Variants in PIWIL2 observed in about 807,000 individuals in gnomAD.
The protein encoded by PIWIL2 is piwi-like protein 2.
A neutral mutation model predicts 116.5 loss-of-function variants in PIWIL2; 81 were observed. That is an observed-to-expected ratio of 0.70 (90% confidence interval 0.58 to 0.84). The LOEUF is 0.84. Among genes scored for constraint, PIWIL2 ranks in the 40% least tolerant of loss-of-function variants. The probability of loss-of-function intolerance (pLI) is 0.00; values close to 1 mark genes in which losing one functional copy is unlikely to be tolerated. For synonymous variants in PIWIL2, 489 were observed against 429.5 expected, an observed-to-expected ratio of 1.14 and a Z score of -1.71; for missense variants, 1,272 against 1,212.3, an observed-to-expected ratio of 1.05 and a Z score of -0.73.
At chr8:22,354,649 G>A (rs2132117642) in intron 22 of PIWIL2, among the ~76,000 whole-genome samples, 1 of 152,250 alleles carries the variant, frequency 6.6e-6, no homozygotes, top group Non-Finnish European at 1.5e-5. Flanking sequence ...AGGCGATTAT[G>A]ACATACAGCC....
chr8:22,312,821 T>C (rs1407123980), intron 16 of PIWIL2, among the ~76,000 whole-genome samples: 3 of 152,124 alleles, frequency 2.0e-5, no homozygotes, highest in Non-Finnish European at 4.4e-5. Context: ...TTAAATTTTT[T>C]GTAGAGATGG....
At chr8:22,310,611 TTGA>T (rs1376959814) in intron 15 of PIWIL2, among the ~76,000 whole-genome samples, 5 of 150,638 alleles carry the variant, frequency 3.3e-5, no homozygotes, top group African/African-American at 1.2e-4. Flanking sequence ...AACGTGTAAC[TTGA>T]TGAGTTTTTT....
chr8:22,350,839 A>C (rs1353023725), intron 20 of PIWIL2, among the ~76,000 whole-genome samples: 1 of 151,996 alleles, frequency 6.6e-6, no homozygotes, highest in Non-Finnish European at 1.5e-5. Flanking sequence ...GTCTCTAAAA[A>C]ATGTTTTTAA....
intron 20 of PIWIL2, among the ~76,000 whole-genome samples, chr8:22,341,111 A>T (rs1398554047): frequency 2.0e-5 from 3 of 152,156 alleles, no homozygotes; most frequent in Admixed American, 6.5e-5. Context: ...CACCCAGTTC[A>T]TGGTACTTTG....
At chr8:22,303,953 T>TCC (rs1831113179) in intron 10 of PIWIL2, 68 bp from the exon 11 acceptor site, 1 of 951,188 alleles carries the variant, frequency 1.1e-6, no homozygotes, top group Non-Finnish European at 1.6e-6. Flanking sequence ...AATTACTTGA[T>TCC]CCCCTATCCC....
At chr8:22,329,670 C>T (rs1267186719) in intron 20 of PIWIL2, among the ~76,000 whole-genome samples, 3 of 152,208 alleles carry the variant, frequency 2.0e-5, no homozygotes, top group Non-Finnish European at 4.4e-5. Flanking sequence ...TGAGATTTGG[C>T]AGGGACACAC....
intron 20 of PIWIL2, among the ~76,000 whole-genome samples, chr8:22,331,364 T>A (rs1015249102): frequency 5.3e-5 from 8 of 151,958 alleles, no homozygotes; most frequent in Non-Finnish European, 1.2e-4. Flanking sequence ...AATTTCTATT[T>A]TTTTTTGTTT....
intron 20 of PIWIL2, among the ~76,000 whole-genome samples, chr8:22,333,877 T>G (rs374645278): frequency 6.6e-6 from 1 of 151,912 alleles, no homozygotes; most frequent in East Asian, 1.9e-4. Flanking sequence ...GAATTATAGC[T>G]CAGATTCACA....
chr8:22,297,676 A>G (rs563723571), intron 10 of PIWIL2, among the ~76,000 whole-genome samples: 2 of 152,258 alleles, frequency 1.3e-5, no homozygotes, highest in African/African-American at 4.8e-5. Flanking sequence ...CTCAGAATAC[A>G]ACAAGGAAAA....
rs150686827 is a variant in PIWIL2 at position 22,289,708 on chromosome 8, T to G, written c.987-139T>G. The G allele has an allele frequency of 8.4e-3, 4,986 of 594,556 alleles. 31 individuals carry two copies. Among genetic ancestry groups the G allele is most frequent in the Non-Finnish European group, 0.012 (4,025 of 333,894 alleles). 36.8% of individuals were successfully genotyped at this position (594,556 alleles called of 1,614,324 possible). A position where few individuals can be genotyped will look rare whatever the true frequency, so the allele number is the denominator to read the frequency against. On this transcript the variant is annotated intron_variant, in intron 8 of 22. Transcript: ENST00000356766. Reference sequence around the variant, plus strand: ...TGGTTTTCTTTTAACAAGATTGTTCTCAATATAAAAGCTGTCTTCTGCAAA... The same window carrying G: ...TGGTTTTCTTTTAACAAGATTGTTCGCAATATAAAAGCTGTCTTCTGCAAA...
Position 22,289,839 on chromosome 8 carries a change from TA to T in PIWIL2, c.987-7del. ...TATTAGAAAACTCATACTTGCTTTT[TA>T]TTTCAGGGTAATGAAACTTTTAGAT... On this transcript the variant is annotated splice_region_variant and splice_polypyrimidine_tract_variant and intron_variant, in intron 8 of 22. Transcript: ENST00000356766. 4 of 1,567,654 alleles carry T rather than the reference TA, an allele frequency of 2.6e-6. No individual in the cohort carries two copies. The highest frequency in any genetic ancestry group is 3.5e-6 in the Non-Finnish European group (4 of 1,138,422).
At position 22,294,433 on chromosome 8, in the gene PIWIL2, C is replaced by A. The variant is rs577307114; in HGVS notation, c.1181+4087C>A. 2.7e-5 allele frequency among the ~76,000 whole-genome samples: 4 copies of A among 147,100 alleles called. No individual in the cohort carries two copies. In the East Asian group the frequency reaches 6.3e-4, roughly 23 times the overall value. On this transcript the variant is annotated intron_variant, in intron 10 of 22. Transcript: ENST00000356766. Reference sequence around the variant, plus strand: ...GAGGCGGGCAGATCATGAAGTCAGGCGATCGAGACCATCCTGGCCAACACG... The same window carrying A: ...GAGGCGGGCAGATCATGAAGTCAGGAGATCGAGACCATCCTGGCCAACACG...
At chr8:22,355,311 G>T (rs747711368) in intron 22 of PIWIL2, 38 bp from the exon 23 acceptor site, 9 of 1,607,902 alleles carry the variant, frequency 5.6e-6, no homozygotes, top group Non-Finnish European at 7.7e-6. Flanking sequence ...ATTGAAGGTG[G>T]GGGATGATGA....
chr8:22,285,975 T>C (rs558919853), intron 6 of PIWIL2, among the ~76,000 whole-genome samples: 10 of 152,270 alleles, frequency 6.6e-5, no homozygotes, highest in Admixed American at 6.5e-4. Context: ...TAAAGGTAGC[T>C]ATACTAGGAA....
intron 16 of PIWIL2, among the ~76,000 whole-genome samples, chr8:22,312,786 G>A (rs1417272229): frequency 2.0e-5 from 3 of 151,798 alleles, no homozygotes; most frequent in Admixed American, 6.6e-5. Flanking sequence ...AACTGTACAC[G>A]TGCACCACCA....
At chr8:22,350,259 G>A (rs1832324332) in intron 20 of PIWIL2, among the ~76,000 whole-genome samples, 1 of 152,070 alleles carries the variant, frequency 6.6e-6, no homozygotes. Flanking sequence ...CTATTACTGA[G>A]AAAAGATGGA....
At chr8:22,327,557 G>A (rs1240875419) in intron 20 of PIWIL2, among the ~76,000 whole-genome samples, 2 of 151,386 alleles carry the variant, frequency 1.3e-5, no homozygotes, top group Non-Finnish European at 2.9e-5. Flanking sequence ...AGTAGAGACG[G>A]GGTTTCTCCA....
intron 6 of PIWIL2, among the ~76,000 whole-genome samples, chr8:22,285,504 A>G (rs1338472587): frequency 6.6e-6 from 1 of 152,196 alleles, no homozygotes; most frequent in Non-Finnish European, 1.5e-5. Context: ...TGTTGTGAAC[A>G]GTGCTGCAGT....
chr8:22,315,541 T>C (rs960754580), intron 18 of PIWIL2, among the ~76,000 whole-genome samples: 1 of 152,148 alleles, frequency 6.6e-6, no homozygotes, highest in African/African-American at 2.4e-5. Context: ...GGTCTCAAAC[T>C]CCTGACCTGG....
Sources: allele counts gnomAD v4.1 joint callset (sites outside exome capture counted in the v4.1 genomes callset), GRCh38; gene constraint gnomAD v4.1.1; transcripts MANE v1.5; gene names NCBI Gene and HGNC (gene_info 2026-07-23, HGNC 2026-07-21).